Variants in CASK observed in about 807,000 individuals in gnomAD.
CASK encodes calcium/calmodulin dependent serine protein kinase.
Under a neutral mutation model 82.9 loss-of-function variants are expected in CASK, and 4 were observed. The observed-to-expected ratio is 0.05, with a 90% CI of 0.02 to 0.11. The LOEUF is 0.11. Ranked by LOEUF, CASK falls within the 10% of genes least tolerant of loss-of-function variation. The probability of loss-of-function intolerance (pLI) is 1.00; values close to 1 mark genes in which losing one functional copy is unlikely to be tolerated. For synonymous variants in CASK, 259 were observed against 253.5 expected, an observed-to-expected ratio of 1.02 and a Z score of -0.20; for missense variants, 358 against 720.9, an observed-to-expected ratio of 0.50 and a Z score of 5.76.
intron 1 of CASK, among the ~76,000 whole-genome samples, chrX:41,896,964 C>T (rs1423288254): frequency 8.9e-6 from 1 of 112,121 alleles, no homozygotes; most frequent in Non-Finnish European, 1.9e-5. Flanking sequence ...TGTAGGTTGA[C>T]TCTGTATCTG....
rs1323749223 is a variant in CASK, at chrX:41,520,317, G to A, written c.*103C>T. 1.8e-6 allele frequency: 1 copy of A among 548,817 alleles called. No homozygotes were observed. Among genetic ancestry groups the A allele is most frequent in the Non-Finnish European group, 3.0e-6 (1 of 334,883 alleles). 45.2% of individuals were successfully genotyped at this position (548,817 alleles called of 1,213,427 possible). A position where few individuals can be genotyped will look rare whatever the true frequency, so the allele number is the denominator to read the frequency against. ...ATAAATGTAGGTCACACTACAACTA[G>A]GTAGTCTCTAGGGACCATGACCTGC... On this transcript the variant is annotated 3_prime_UTR_variant, in exon 27 of 27. Coordinates refer to ENST00000378163, the MANE Select transcript of CASK (RefSeq NM_001367721.1).
intron 10 of CASK, 39 bp downstream of exon 10, chrX:41,626,565 A>G: frequency 3.4e-6 from 3 of 876,404 alleles, no homozygotes; most frequent in Non-Finnish European, 5.1e-6. Flanking sequence ...GTAAATGCCA[A>G]ATGACCCACA....
At chrX:41,717,969 T>C (rs565457755) in intron 5 of CASK, among the ~76,000 whole-genome samples, 7 of 112,576 alleles carry the variant, frequency 6.2e-5, no homozygotes, top group African/African-American at 1.9e-4. Context: ...AGGATGGGGC[T>C]GGTCATAGGA....
At chrX:41,646,868 G>T (rs777868353) in intron 8 of CASK, among the ~76,000 whole-genome samples, 1 of 111,683 alleles carries the variant, frequency 9.0e-6, no homozygotes, top group South Asian at 3.8e-4. Flanking sequence ...GCTCAAGAAG[G>T]AATCTAGGTT....
At chrX:41,626,042 G>T (rs1212751114) in intron 10 of CASK, among the ~76,000 whole-genome samples, 1 of 102,946 alleles carries the variant, frequency 9.7e-6, no homozygotes, top group African/African-American at 3.6e-5. Flanking sequence ...GACCTGAGGT[G>T]ATCTGCCTGC....
intron 5 of CASK, among the ~76,000 whole-genome samples, chrX:41,721,643 G>C (rs2068170028): frequency 8.9e-6 from 1 of 112,013 alleles, no homozygotes; most frequent in Non-Finnish European, 1.9e-5. Flanking sequence ...TTCTAAGGCA[G>C]AGAATGAGGT....
intron 17 of CASK, 65 bp downstream of exon 17, chrX:41,561,494 T>C: frequency 1.3e-6 from 1 of 753,903 alleles, no homozygotes. Flanking sequence ...CTTATTTGTA[T>C]ATTTAAAAAC....
intron 5 of CASK, among the ~76,000 whole-genome samples, chrX:41,699,071 C>T (rs2067745905): frequency 9.1e-6 from 1 of 110,035 alleles, no homozygotes; most frequent in Admixed American, 9.8e-5. Context: ...GGATTACAGG[C>T]GCCCGCCACC....
At chrX:41,857,955 T>C (rs928382737) in intron 1 of CASK, among the ~76,000 whole-genome samples, 3 of 112,049 alleles carry the variant, frequency 2.7e-5, no homozygotes, top group African/African-American at 9.7e-5. Context: ...ATCATAATCA[T>C]GAAGGAAAAT....
Position 41,625,038 on chromosome X carries a change from A to AAC in CASK, c.1015+1564_1015+1565dup, listed in dbSNP as rs937489063. On this transcript the variant is annotated intron_variant, in intron 10 of 26. Transcript: ENST00000378163. Reference sequence around the variant, plus strand: ...AAAAAATGCATAAATAAAAATTTAGAACACACACACACACGCATTTACATA... The same window carrying AAC: ...AAAAAATGCATAAATAAAAATTTAGAACACACACACACACACGCATTTACATA... Among the ~76,000 whole-genome samples the AAC allele has an allele frequency of 1.5e-4, 17 of 110,771 alleles. No homozygotes were observed. The East Asian group carries it at 3.4e-3, about 22-fold the overall frequency.
At chrX:41,799,845 T>C (rs2069954127) in intron 2 of CASK, among the ~76,000 whole-genome samples, 1 of 102,296 alleles carries the variant, frequency 9.8e-6, no homozygotes, top group South Asian at 4.7e-4. Context: ...TTTTAAGGAG[T>C]TCAGCAGCTA....
At chrX:41,819,787 C>G (rs975318513) in intron 2 of CASK, among the ~76,000 whole-genome samples, 1 of 111,418 alleles carries the variant, frequency 9.0e-6, no homozygotes, top group African/African-American at 3.3e-5. Flanking sequence ...CTTTAGCATT[C>G]AAAATTCAAT....
intron 11 of CASK, among the ~76,000 whole-genome samples, chrX:41,612,148 G>A (rs2066071481): frequency 9.0e-6 from 1 of 111,076 alleles, no homozygotes; most frequent in Non-Finnish European, 1.9e-5. Context: ...GAGCGTCTCT[G>A]CCTGGCTGCC....
At chrX:41,613,502 C>A (rs2066139191) in intron 11 of CASK, among the ~76,000 whole-genome samples, 1 of 94,009 alleles carries the variant, frequency 1.1e-5, no homozygotes, top group South Asian at 5.5e-4. Flanking sequence ...TGCGGAAGGC[C>A]GCAGGGTCCT....
chrX:41,588,900 A>C (rs1348596437), intron 13 of CASK, among the ~76,000 whole-genome samples: 1 of 111,850 alleles, frequency 8.9e-6, no homozygotes, highest in African/African-American at 3.2e-5. Context: ...TAGGTTAAAA[A>C]AGACACATTT....
intron 5 of CASK, among the ~76,000 whole-genome samples, chrX:41,698,951 G>C (rs1276778919): frequency 9.0e-6 from 1 of 111,013 alleles, no homozygotes; most frequent in Non-Finnish European, 1.9e-5. Flanking sequence ...TTTTGAGATG[G>C]AGTCTCACTC....
At chrX:41,601,792 T>C (rs2065897781) in intron 12 of CASK, among the ~76,000 whole-genome samples, 1 of 111,843 alleles carries the variant, frequency 8.9e-6, no homozygotes, top group Admixed American at 9.5e-5. Flanking sequence ...AGTGAATCTA[T>C]GATCCATTTT....
chrX:41,727,167 A>C, intron 5 of CASK: 1 of 1,207,725 alleles, frequency 8.3e-7, no homozygotes, highest in Non-Finnish European at 1.1e-6. Flanking sequence ...TAGGTAAAAA[A>C]ACATCAACGC....
intron 12 of CASK, among the ~76,000 whole-genome samples, chrX:41,600,086 C>A (rs909716753): frequency 2.7e-5 from 3 of 111,688 alleles, no homozygotes; most frequent in African/African-American, 9.8e-5. Flanking sequence ...AATGAACATA[C>A]AATTATTAAT....
Sources: allele counts gnomAD v4.1 joint callset (sites outside exome capture counted in the v4.1 genomes callset), GRCh38; gene constraint gnomAD v4.1.1; transcripts MANE v1.5; gene names NCBI Gene and HGNC (gene_info 2026-07-23, HGNC 2026-07-21).